MYO1F: variants seen among roughly 807,000 people sequenced by gnomAD.
MYO1F encodes unconventional myosin-If.
MYO1F carries 60 observed loss-of-function variants against 146.6 expected under a neutral mutation model. That is an observed-to-expected ratio of 0.41 (90% confidence interval 0.33 to 0.51). The LOEUF (loss-of-function observed/expected upper bound fraction) is 0.51. Ranked by LOEUF, MYO1F falls within the 20% of genes least tolerant of loss-of-function variation. The pLI, the probability that MYO1F is intolerant of heterozygous loss-of-function variation, is 0.25. For missense variants in MYO1F, 1,274 were observed against 1,534.3 expected, an observed-to-expected ratio of 0.83 and a Z score of 2.83; for synonymous variants, 602 against 602.1, an observed-to-expected ratio of 1.00 and a Z score of 0.00.
Position 8,526,544 on chromosome 19 carries a change from G to A in MYO1F, c.2679C>T (p.Thr893=). 6.3e-7 allele frequency: 1 copy of A among 1,595,394 alleles called. No individual in the cohort carries two copies. Among genetic ancestry groups the A allele is most frequent in the Non-Finnish European group, 8.5e-7 (1 of 1,173,160 alleles). The change falls in exon 24 of 28, where the codon ACC becomes ACT. Residue 893 remains threonine (T), a synonymous_variant. Coordinates refer to ENST00000644032, the MANE Select transcript of MYO1F (RefSeq NM_012335.4). ...CCAAGTCGCCGAAGCCGCGGGAGAA[G>A]GTGACGCTGCGGGTGCCGCCACCGC... ...GWGGGGTRSV[T]FSRGFGDLAV...
chr19:8,524,308 G>T (rs974291035), intron 25 of MYO1F, among the ~76,000 whole-genome samples: 1 of 150,262 alleles, frequency 6.7e-6, no homozygotes, highest in Non-Finnish European at 1.5e-5. Context: ...CCCAGCTACT[G>T]GGGAGGCTGA....
At chr19:8,526,730 G>T (rs1306359294) in intron 23 of MYO1F, 59 bp downstream of exon 23, 1 of 1,546,298 alleles carries the variant, frequency 6.5e-7, no homozygotes, top group Non-Finnish European at 8.7e-7. Flanking sequence ...GGTGGGGCGG[G>T]AGAGGGTGCG....
chr19:8,566,850 T>C (rs1000134142), intron 1 of MYO1F, among the ~76,000 whole-genome samples: 1 of 151,630 alleles, frequency 6.6e-6, no homozygotes. Flanking sequence ...ATAATATATG[T>C]TTACAAACAG....
At chr19:8,547,161 C>T (rs1973393957) in intron 12 of MYO1F, among the ~76,000 whole-genome samples, 1 of 151,872 alleles carries the variant, frequency 6.6e-6, no homozygotes. Flanking sequence ...ATTAGCCAGG[C>T]ATGATGGTGT....
chr19:8,574,108 C>A (rs1555732659), intron 1 of MYO1F, among the ~76,000 whole-genome samples: 1 of 152,118 alleles, frequency 6.6e-6, no homozygotes, highest in African/African-American at 2.4e-5. Context: ...GGTCACCAAG[C>A]ATCTCCAGAA....
At chr19:8,553,493 G>T (rs1973702085) in intron 4 of MYO1F, 56 bp from the exon 5 acceptor site, 2 of 1,431,882 alleles carry the variant, frequency 1.4e-6, no homozygotes, top group Middle Eastern at 1.7e-4. Flanking sequence ...CCTTTTTAGT[G>T]CCTGACCATT....
At chr19:8,521,669 C>G in intron 27 of MYO1F, 65 bp from the exon 28 acceptor site, 1 of 1,480,416 alleles carries the variant, frequency 6.8e-7, no homozygotes, top group South Asian at 1.1e-5. Context: ...CATGCCTGGT[C>G]TGTCCATCTT....
intron 1 of MYO1F, among the ~76,000 whole-genome samples, chr19:8,564,240 G>A (rs1197715385): frequency 6.6e-6 from 1 of 152,066 alleles, no homozygotes; most frequent in African/African-American, 2.4e-5. Context: ...AATTAGCCAG[G>A]CGTGGTGTCA....
intron 15 of MYO1F, among the ~76,000 whole-genome samples, chr19:8,541,434 T>G (rs1248022621): frequency 6.8e-6 from 1 of 147,130 alleles, no homozygotes; most frequent in African/African-American, 2.5e-5. Context: ...TGTTTTTTTT[T>G]TTTTTTTTTT....
chr19:8,550,705 A>G lies in MYO1F; in HGVS notation c.772-11T>C, dbSNP rs4804311. On this transcript the variant is annotated splice_polypyrimidine_tract_variant and intron_variant, in intron 8 of 27. Coordinates refer to ENST00000644032, the MANE Select transcript of MYO1F (RefSeq NM_012335.4). The stretch of plus-strand genomic sequence containing the variant: ...AACCTGCATAGCACTCTGTGGTACA[A>G]CGGGGGCAGAAACTGTGCCGTGAAT... 120,061 of 1,613,838 alleles carry G rather than the reference A, an allele frequency of 0.074. 5,138 individuals are homozygous for G. The highest frequency in any genetic ancestry group is 0.086 in the Non-Finnish European group (101,182 of 1,179,902).
In MYO1F at chr19:8,553,172, G is replaced by T. The variant is rs758348210; in HGVS notation, c.471C>A (p.Ala157=). ...TGGAATTGTTGTTGCGCACAGTCTT[G>T]GCGTTGCCGAAGGCCTCGAGCAGCG... ...SNPLLEAFGN[A]KTVRNNNSSR... Residue 157 remains alanine (A), a synonymous_variant, in exon 6 of 28, where the codon GCC becomes GCA. Coordinates refer to ENST00000644032, the MANE Select transcript of MYO1F (RefSeq NM_012335.4). 1 of 1,614,174 alleles carries T rather than the reference G, an allele frequency of 6.2e-7. No homozygotes were observed. The highest frequency in any genetic ancestry group is 8.5e-7 in the Non-Finnish European group (1 of 1,180,040).
rs749028387 is a variant in MYO1F, at chr19:8,554,518, C to A, written c.285G>T (p.Arg95=). 1 of 1,613,422 alleles carries A rather than the reference C, an allele frequency of 6.2e-7. No individual in the cohort carries two copies. The highest frequency in any genetic ancestry group is 8.5e-7 in the Non-Finnish European group (1 of 1,179,738). Residue 95 remains arginine (R), a synonymous_variant, in exon 4 of 28, where the codon CGG becomes CGT. Coordinates refer to ENST00000644032, the MANE Select transcript of MYO1F (RefSeq NM_012335.4). The part of the protein sequence containing the change: ...HIYALTDNMY[R]NMLIDCENQC... ...GGTTCTCACAGTCGATAAGCATGTT[C>A]CGGTACATGTTGTCCGTGAGGGCGT...
chr19:8,561,951 G>A (rs527893766), intron 1 of MYO1F, among the ~76,000 whole-genome samples: 77 of 151,768 alleles, frequency 5.1e-4, no homozygotes, highest in Non-Finnish European at 8.8e-4. Flanking sequence ...TCCTGACCTC[G>A]TGATCCACCC....
At chr19:8,570,662 C>T (rs1440186899) in intron 1 of MYO1F, among the ~76,000 whole-genome samples, 12 of 151,642 alleles carry the variant, frequency 7.9e-5, no homozygotes, top group East Asian at 1.9e-4. Context: ...GATGAGCCAC[C>T]GCACCCAACC....
At chr19:8,531,065 C>CA (rs896843194) in intron 19 of MYO1F, among the ~76,000 whole-genome samples, 1 of 148,890 alleles carries the variant, frequency 6.7e-6, no homozygotes, top group Non-Finnish European at 1.5e-5. Context: ...AAAACAAAAA[C>CA]AAAAAAAGCT....
chr19:8,551,993 T>C, intron 7 of MYO1F, 40 bp downstream of exon 7: 1 of 1,613,756 alleles, frequency 6.2e-7, no homozygotes, highest in Non-Finnish European at 8.5e-7. Context: ...CCCGCTGGGC[T>C]CCAGGTGGTG....
intron 21 of MYO1F, among the ~76,000 whole-genome samples, chr19:8,528,943 C>T (rs982885650): frequency 6.6e-6 from 1 of 152,052 alleles, no homozygotes; most frequent in African/African-American, 2.4e-5. Flanking sequence ...GGTCAGAGTT[C>T]TCTGGGTCTA....
chr19:8,538,479 A>G (rs1972822544), intron 16 of MYO1F, among the ~76,000 whole-genome samples: 1 of 151,020 alleles, frequency 6.6e-6, no homozygotes, highest in Non-Finnish European at 1.5e-5. Flanking sequence ...ATGGGCTTTC[A>G]CCATGTTGGC....
chr19:8,560,513 G>C (rs1220586214), intron 1 of MYO1F, among the ~76,000 whole-genome samples: 2 of 151,708 alleles, frequency 1.3e-5, no homozygotes, highest in African/African-American at 2.4e-5. Flanking sequence ...AAAAGAACAG[G>C]TTCTTGCCTC....
Sources: allele counts gnomAD v4.1 joint callset (sites outside exome capture counted in the v4.1 genomes callset), GRCh38; gene constraint gnomAD v4.1.1; transcripts MANE v1.5; gene names NCBI Gene and HGNC (gene_info 2026-07-23, HGNC 2026-07-21).